CHCHD3: variants seen among roughly 807,000 people sequenced by gnomAD.
The protein encoded by CHCHD3 is MICOS complex subunit MIC19.
A neutral mutation model predicts 38.2 loss-of-function variants in CHCHD3; 20 were observed. That is an observed-to-expected ratio of 0.52 (90% CI 0.37 to 0.76). The LOEUF is 0.76. Among genes scored for constraint, CHCHD3 ranks in the 30% least tolerant of loss-of-function variants. CHCHD3 has a pLI of 0.00. For synonymous variants in CHCHD3, 82 were observed against 100.0 expected, an observed-to-expected ratio of 0.82 and a Z score of 1.07; for missense variants, 245 against 279.2, an observed-to-expected ratio of 0.88 and a Z score of 0.87.
chr7:132,931,070 T>C (rs983980311), intron 4 of CHCHD3, among the ~76,000 whole-genome samples: 1 of 152,226 alleles, frequency 6.6e-6, no homozygotes, highest in Middle Eastern at 3.4e-3. Context: ...ACTCACCACA[T>C]AGAGGGCAGC....
At chr7:132,972,968 T>C in intron 4 of CHCHD3, 2 of 985,468 alleles carry the variant, frequency 2.0e-6, no homozygotes, top group South Asian at 9.4e-5. Context: ...GCAGATATGC[T>C]ATTCCAATCA....
At chr7:132,907,036 T>C (rs533165993) in intron 4 of CHCHD3, among the ~76,000 whole-genome samples, 4 of 152,298 alleles carry the variant, frequency 2.6e-5, no homozygotes, top group African/African-American at 9.6e-5. Context: ...CCATACCCTA[T>C]ATACATGCTA....
intron 4 of CHCHD3, among the ~76,000 whole-genome samples, chr7:132,928,627 G>A (rs1422527372): frequency 6.6e-6 from 1 of 152,144 alleles, no homozygotes; most frequent in Non-Finnish European, 1.5e-5. Flanking sequence ...AACCTGGGAG[G>A]CGGAGGTTGC....
chr7:133,028,039 T>A (rs533525550), intron 2 of CHCHD3, among the ~76,000 whole-genome samples: 2 of 152,118 alleles, frequency 1.3e-5, no homozygotes, highest in Non-Finnish European at 2.9e-5. Context: ...CTACTTCTCA[T>A]AAAAAAGTAA....
intron 7 of CHCHD3, among the ~76,000 whole-genome samples, chr7:132,792,865 G>A (rs1806499318): frequency 1.3e-5 from 2 of 152,150 alleles, no homozygotes; most frequent in Non-Finnish European, 2.9e-5. Flanking sequence ...GCCAGCTTCT[G>A]CATTTTTCTG....
In CHCHD3 at chr7:132,785,273, TG is replaced by T. The variant is rs758430025; in HGVS notation, c.*363del. ...TTTAGCCCCCAACCCCATCCTACTT[TG>T]TTAGGGTGGAGGTTCACCAAATGAT... On this transcript the variant is annotated 3_prime_UTR_variant, in exon 8 of 8. Coordinates refer to ENST00000262570, the MANE Select transcript of CHCHD3 (RefSeq NM_017812.4). 45 of 214,926 alleles carry T rather than the reference TG, an allele frequency of 2.1e-4. No homozygotes were observed. Among genetic ancestry groups the T allele is most frequent in the Admixed American group, 1.9e-3 (34 of 17,922 alleles). The allele number at this position is 214,926 out of a possible 1,614,324, so 13.3% of individuals were successfully genotyped here.
intron 3 of CHCHD3, among the ~76,000 whole-genome samples, chr7:132,981,038 T>C (rs1193844337): frequency 6.6e-6 from 1 of 152,136 alleles, no homozygotes; most frequent in African/African-American, 2.4e-5. Flanking sequence ...CAGGCTGGAG[T>C]GCAGTGGCAT....
intron 5 of CHCHD3, among the ~76,000 whole-genome samples, chr7:132,859,303 A>G (rs2117129173): frequency 6.6e-6 from 1 of 152,318 alleles, no homozygotes; most frequent in Admixed American, 6.5e-5. Context: ...TTAATTACAA[A>G]CAAAAGCAGA....
At position 132,883,092 on chromosome 7, in the gene CHCHD3, C is replaced by T. The variant is rs139484281; in HGVS notation, c.453+2570G>A. 2.2e-3 allele frequency among the ~76,000 whole-genome samples: 334 copies of T among 152,236 alleles called. 1 individual carries two copies. Among genetic ancestry groups the T allele is most frequent in the African/African-American group, 7.5e-3 (312 of 41,540 alleles). On this transcript the variant is annotated intron_variant, in intron 5 of 7. Coordinates refer to ENST00000262570, the MANE Select transcript of CHCHD3 (RefSeq NM_017812.4). ...TGCCTGCTTCCCTTTCACCTTCTGC[C>T]GTAATTGTAAGTTTCCTGAGGCCTC... is the stretch of plus-strand genomic sequence containing the variant.
At chr7:133,055,384 A>G (rs900642948) in intron 2 of CHCHD3, among the ~76,000 whole-genome samples, 2 of 145,076 alleles carry the variant, frequency 1.4e-5, no homozygotes, top group East Asian at 3.9e-4. Flanking sequence ...AATTATAATT[A>G]TGTTATATAA....
intron 4 of CHCHD3, among the ~76,000 whole-genome samples, chr7:132,934,335 C>T (rs1219107026): frequency 6.6e-6 from 1 of 152,118 alleles, no homozygotes; most frequent in African/African-American, 2.4e-5. Context: ...AATGAAAATC[C>T]TATCGTGGTC....
intron 4 of CHCHD3, among the ~76,000 whole-genome samples, chr7:132,930,377 C>T (rs1810486286): frequency 6.6e-6 from 1 of 152,038 alleles, no homozygotes; most frequent in Admixed American, 6.5e-5. Flanking sequence ...CCATGTTGGC[C>T]AGACTGGTCT....
chr7:132,961,263 C>T (rs1245704010), intron 4 of CHCHD3, among the ~76,000 whole-genome samples: 1 of 152,084 alleles, frequency 6.6e-6, no homozygotes, highest in Non-Finnish European at 1.5e-5. Context: ...GCCTGGGTAA[C>T]AGAGAAAGAC....
intron 2 of CHCHD3, among the ~76,000 whole-genome samples, chr7:133,062,285 T>C (rs772553732): frequency 7.9e-5 from 12 of 152,144 alleles, no homozygotes; most frequent in Admixed American, 1.3e-4. Flanking sequence ...CTCAAATCTG[T>C]CAAATTCCAA....
At chr7:133,063,978 C>G (rs1814597221) in intron 2 of CHCHD3, among the ~76,000 whole-genome samples, 1 of 152,102 alleles carries the variant, frequency 6.6e-6, no homozygotes, top group South Asian at 2.1e-4. Context: ...TCCCCTGATG[C>G]CAGGCCTGCC....
chr7:133,028,704 G>A (rs774208006), intron 2 of CHCHD3, among the ~76,000 whole-genome samples: 4 of 152,072 alleles, frequency 2.6e-5, no homozygotes, highest in African/African-American at 7.2e-5. Flanking sequence ...GACCAACATG[G>A]TGAAACCCTG....
chr7:132,984,712 G>A (rs1812039901), intron 3 of CHCHD3, among the ~76,000 whole-genome samples: 1 of 149,802 alleles, frequency 6.7e-6, no homozygotes, highest in East Asian at 2.0e-4. Flanking sequence ...CTGCCCGGCC[G>A]CTCCGTCTGA....
intron 4 of CHCHD3, among the ~76,000 whole-genome samples, chr7:132,970,888 A>T (rs1163955229): frequency 6.6e-6 from 1 of 152,162 alleles, no homozygotes; most frequent in Non-Finnish European, 1.5e-5. Flanking sequence ...AGGCAGAAGG[A>T]TCACTTGAGC....
intron 4 of CHCHD3, among the ~76,000 whole-genome samples, chr7:132,905,057 G>T (rs1164762720): frequency 1.3e-5 from 2 of 148,170 alleles, no homozygotes; most frequent in African/African-American, 5.0e-5. Context: ...AGAACACTTT[G>T]ACGCAAGGCG....
Sources: allele counts gnomAD v4.1 joint callset (sites outside exome capture counted in the v4.1 genomes callset), GRCh38; gene constraint gnomAD v4.1.1; transcripts MANE v1.5; gene names NCBI Gene and HGNC (gene_info 2026-07-23, HGNC 2026-07-21).